WDR45B: variants seen among roughly 807,000 people sequenced by gnomAD.
WDR45B encodes WD repeat domain phosphoinositide-interacting protein 3.
A neutral mutation model predicts 44.6 loss-of-function variants in WDR45B; 20 were observed. That is an observed-to-expected ratio of 0.45 (90% CI 0.32 to 0.65). The LOEUF is 0.65. Among genes scored for constraint, WDR45B ranks in the 30% least tolerant of loss-of-function variants. WDR45B has a pLI of 0.05. For missense variants in WDR45B, 323 were observed against 430.2 expected (o/e 0.75, Z 2.20); for synonymous variants, 169 against 164.9 (o/e 1.02, Z -0.19).
At chr17:82,623,120 AG>A (rs1476724315) in intron 5 of WDR45B, among the ~76,000 whole-genome samples, 1 of 152,146 alleles carries the variant, frequency 6.6e-6, no homozygotes, top group Non-Finnish European at 1.5e-5. Context: ...GGCCGGGCAC[AG>A]TGGCTCACGC....
At chr17:82,647,802 C>T (rs2045998959) in intron 1 of WDR45B, among the ~76,000 whole-genome samples, 1 of 152,026 alleles carries the variant, frequency 6.6e-6, no homozygotes, top group South Asian at 2.1e-4. Context: ...CACGGGCTAC[C>T]TACTAAAGAC....
chr17:82,627,573 G>C (rs1436804445), intron 3 of WDR45B, among the ~76,000 whole-genome samples: 1 of 152,368 alleles, frequency 6.6e-6, no homozygotes, highest in East Asian at 1.9e-4. Context: ...TCCTCTCTCA[G>C]TGTGCACAGC....
intron 2 of WDR45B, among the ~76,000 whole-genome samples, chr17:82,641,493 C>T (rs930558604): frequency 1.3e-5 from 2 of 152,160 alleles, no homozygotes; most frequent in African/African-American, 4.8e-5. Context: ...CCTGCTAAGG[C>T]AGAACTCAAA....
intron 1 of WDR45B, among the ~76,000 whole-genome samples, chr17:82,647,954 G>A (rs1039790085): frequency 1.3e-5 from 2 of 148,186 alleles, no homozygotes; most frequent in Non-Finnish European, 3.0e-5. Flanking sequence ...CCGCGCAGGA[G>A]GCTGGGGTTC....
chr17:82,626,208 T>G (rs1367394265), intron 4 of WDR45B, among the ~76,000 whole-genome samples: 1 of 150,682 alleles, frequency 6.6e-6, no homozygotes, highest in African/African-American at 2.4e-5. Context: ...GGCCTTTAAA[T>G]ATTGACGTTA....
intron 7 of WDR45B, chr17:82,617,640 T>A: frequency 1.9e-6 from 1 of 532,630 alleles, no homozygotes; most frequent in Non-Finnish European, 3.5e-6. Flanking sequence ...GCCCCACAAA[T>A]GCAGCTGATG....
At chr17:82,623,572 C>A (rs1180606579) in intron 5 of WDR45B, among the ~76,000 whole-genome samples, 1 of 151,646 alleles carries the variant, frequency 6.6e-6, no homozygotes, top group Non-Finnish European at 1.5e-5. Context: ...TGGTGGTGTG[C>A]CTGTAGTCCC....
At chr17:82,635,359 T>C (rs1206400957) in intron 2 of WDR45B, among the ~76,000 whole-genome samples, 1 of 151,608 alleles carries the variant, frequency 6.6e-6, no homozygotes, top group Admixed American at 6.6e-5. Context: ...AGCCCTTTTA[T>C]AAACTACATG....
intron 5 of WDR45B, among the ~76,000 whole-genome samples, chr17:82,625,012 T>C (rs2143287185): frequency 6.6e-6 from 1 of 152,166 alleles, no homozygotes; most frequent in Admixed American, 6.5e-5. Flanking sequence ...ATGAAGATGG[T>C]ACAATAAATG....
intron 1 of WDR45B, 33 bp downstream of exon 1, chr17:82,648,241 G>C (rs776930020): frequency 6.3e-7 from 1 of 1,593,990 alleles, no homozygotes; most frequent in Non-Finnish European, 8.5e-7. Context: ...GGAAGGCCCG[G>C]CCGGGCAAGG....
In WDR45B at chr17:82,633,463, T is replaced by C. The variant is rs186304156; in HGVS notation, c.143-2441A>G. 3.0e-4 allele frequency among the ~76,000 whole-genome samples: 45 copies of C among 152,276 alleles called. No homozygotes were observed. The South Asian group carries it at 8.7e-3, about 29-fold the overall frequency. On this transcript the variant is annotated intron_variant, in intron 2 of 9. Transcript: ENST00000392325. ...GAAAGATGCTCAACTTCATTAGGCA[T>C]CAGAGACATCAAAACCAAACCACAA... is the stretch of plus-strand genomic sequence containing the variant.
chr17:82,627,890 G>C (rs1325285870), intron 3 of WDR45B, among the ~76,000 whole-genome samples: 1 of 152,246 alleles, frequency 6.6e-6, no homozygotes, highest in Admixed American at 6.5e-5. Context: ...AAATAAACCT[G>C]CATCAGGAAG....
chr17:82,624,421 C>A (rs574402387), intron 5 of WDR45B, among the ~76,000 whole-genome samples: 1 of 151,956 alleles, frequency 6.6e-6, no homozygotes, highest in Non-Finnish European at 1.5e-5. Context: ...GCCACCACAT[C>A]CAGCTAAGTT....
At chr17:82,630,220 C>G (rs933402159) in intron 3 of WDR45B, among the ~76,000 whole-genome samples, 2 of 152,070 alleles carry the variant, frequency 1.3e-5, no homozygotes, top group African/African-American at 4.8e-5. Flanking sequence ...TCCCAAAACA[C>G]AGATCTGACG....
At chr17:82,616,697 C>G (rs879781896) in intron 8 of WDR45B, 52 bp from the exon 9 acceptor site, 6 of 1,611,682 alleles carry the variant, frequency 3.7e-6, no homozygotes, top group Non-Finnish European at 5.1e-6. Flanking sequence ...GAAAAAAAAT[C>G]ACCTGCGTAA....
At chr17:82,630,724 C>T (rs1399488862) in intron 3 of WDR45B, among the ~76,000 whole-genome samples, 197 bp downstream of exon 3, 4 of 152,188 alleles carry the variant, frequency 2.6e-5, no homozygotes, top group African/African-American at 7.2e-5. Context: ...ACAATGCAAG[C>T]GAGTGATGCT....
intron 9 of WDR45B, 21 bp downstream of exon 9, chr17:82,616,503 T>C (rs2045537450): frequency 6.2e-7 from 1 of 1,613,370 alleles, no homozygotes; most frequent in Non-Finnish European, 8.5e-7. Context: ...GGGGACGTTC[T>C]CTCCAGGAAG....
At chr17:82,629,340 G>A (rs1343781916) in intron 3 of WDR45B, among the ~76,000 whole-genome samples, 1 of 152,124 alleles carries the variant, frequency 6.6e-6, no homozygotes, top group Admixed American at 6.5e-5. Context: ...TCACCAGCAG[G>A]ATTTCTGCCC....
At position 82,621,178 on chromosome 17, in the gene WDR45B, C is replaced by T. The variant is rs191272194; in HGVS notation, c.618+431G>A. Reference sequence around the variant, plus strand: ...AAGTGATTCTCCTGCCTTAGCCTTCCGAGTAGCTGGGATTACAGGTACACA... The same window carrying T: ...AAGTGATTCTCCTGCCTTAGCCTTCTGAGTAGCTGGGATTACAGGTACACA... On this transcript the variant is annotated intron_variant, in intron 6 of 9. Coordinates refer to ENST00000392325, the MANE Select transcript of WDR45B (RefSeq NM_019613.4). 9.9e-4 allele frequency among the ~76,000 whole-genome samples: 150 copies of T among 152,084 alleles called. 1 individual carries two copies. In the East Asian group the frequency reaches 0.01, roughly 10 times the overall value.
Sources: gnomAD v4.1 joint callset for allele counts (sites outside exome capture counted in the v4.1 genomes callset) on GRCh38, gnomAD v4.1.1 for gene constraint, MANE v1.5 for transcripts, NCBI Gene and HGNC (gene_info 2026-07-23, HGNC 2026-07-21) for gene names.